The following DPH3 variants were observed in gnomAD, a reference collection of about 807,000 sequenced individuals.
The protein encoded by DPH3 is diphthamide biosynthesis protein 3.
In DPH3, 8 loss-of-function variants were observed where a neutral mutation model predicts 10.2. The observed-to-expected ratio is 0.79, with a 90% CI of 0.46 to 1.42. DPH3 has a LOEUF of 1.42. DPH3 is among the 40% of genes most tolerant of loss of function. The pLI is 0.00. For synonymous variants in DPH3, 35 were observed against 35.6 expected (o/e 0.98, Z 0.06); for missense variants, 96 against 98.9 (o/e 0.97, Z 0.12).
chr3:16,260,858 C>A (rs1420364123), intron 2 of DPH3, 29 bp from the exon 3 acceptor site: 1 of 1,596,752 alleles, frequency 6.3e-7, no homozygotes, highest in Non-Finnish European at 8.6e-7. Flanking sequence ...TGACATTAAC[C>A]AATGAATTTC....
Position 16,260,135 on chromosome 3 carries a change from G to C in DPH3, c.*629C>G, listed in dbSNP as rs1166608561. 1 of 152,044 alleles carries C rather than the reference G, an allele frequency of 6.6e-6. No individual in the cohort carries two copies. The highest frequency in any genetic ancestry group is 2.4e-5 in the African/African-American group (1 of 41,368). 9.4% of individuals were successfully genotyped at this position (152,044 alleles called of 1,614,324 possible). ...TTTCTTTCTTGTTCACTAACTTTTAGCTCTGGAGACATTGTGACCTCACTG... is the reference window on the plus strand; with the variant it reads ...TTTCTTTCTTGTTCACTAACTTTTACCTCTGGAGACATTGTGACCTCACTG... On this transcript the variant is annotated 3_prime_UTR_variant, in exon 3 of 3. Coordinates refer to ENST00000488423, the MANE Select transcript of DPH3 (RefSeq NM_206831.3).
chr3:16,258,554 A>G lies in DPH3; in HGVS notation c.*2210T>C, dbSNP rs1041821120. ...CAGGCTGGAACGCAGTGGTGTGATC[A>G]CAGCTCACCACAGCCTCAAACTCCT... On this transcript the variant is annotated 3_prime_UTR_variant, in exon 3 of 3. Coordinates refer to ENST00000488423, the MANE Select transcript of DPH3 (RefSeq NM_206831.3). 1 of 152,240 alleles carries G rather than the reference A, an allele frequency of 6.6e-6. No individual in the cohort carries two copies. The highest frequency in any genetic ancestry group is 1.5e-5 in the Non-Finnish European group (1 of 68,066). 9.4% of individuals were successfully genotyped at this position (152,240 alleles called of 1,614,324 possible).
rs1414432908 is a variant in DPH3, at chr3:16,262,613, A to G, written c.183+1542T>C. On this transcript the variant is annotated intron_variant, in intron 2 of 2. Transcript: ENST00000488423. The surrounding 1 kb of genome is among the most constrained non-coding windows in gnomAD (Gnocchi z 4.7). Reference sequence around the variant, plus strand: ...AGACCTGGTGGTCTCATCCAATCTCATGGCTCTAAATGCTATCTGTTACTG... The same window carrying G: ...AGACCTGGTGGTCTCATCCAATCTCGTGGCTCTAAATGCTATCTGTTACTG... Among the ~76,000 whole-genome samples the G allele has an allele frequency of 6.6e-6, 1 of 152,088 alleles. No individual in the cohort carries two copies. Among genetic ancestry groups the G allele is most frequent in the African/African-American group, 2.4e-5 (1 of 41,402 alleles).
At position 16,259,390 on chromosome 3, in the gene DPH3, C is replaced by T. The variant is rs894077717; in HGVS notation, c.*1374G>A. ...AAAAAAGGCTACTCACTTGTTTTAA[C>T]GTCCAATGAATGTGTGCAGTACATT... On this transcript the variant is annotated 3_prime_UTR_variant, in exon 3 of 3. Transcript: ENST00000488423. The T allele has an allele frequency of 2.0e-5, 3 of 152,202 alleles. No homozygotes were observed. Among genetic ancestry groups the T allele is most frequent in the African/African-American group, 7.2e-5 (3 of 41,438 alleles). 9.4% of individuals were successfully genotyped at this position (152,202 alleles called of 1,614,324 possible).
chr3:16,264,582 A>G, intron 1 of DPH3, 187 bp downstream of exon 1: 2 of 634,970 alleles, frequency 3.1e-6, no homozygotes, highest in Non-Finnish European at 5.5e-6. Flanking sequence ...TAAGGCCAGA[A>G]CTGCGTGCCT....
rs892440810 is a variant in DPH3, at chr3:16,263,648, C to T, written c.183+507G>A. Among the ~76,000 whole-genome samples the T allele has an allele frequency of 7.6e-6, 1 of 132,066 alleles. No individual in the cohort carries two copies. The highest frequency in any genetic ancestry group is 2.2e-4 in the East Asian group (1 of 4,548). 86.6% of individuals were successfully genotyped at this position (132,066 alleles called of 152,430 possible). A position where few individuals can be genotyped will look rare whatever the true frequency, so the allele number is the denominator to read the frequency against. On this transcript the variant is annotated intron_variant, in intron 2 of 2. Transcript: ENST00000488423. This position sits in a 1 kb window ranked among gnomAD's most constrained non-coding sequence, Gnocchi z 4.0. Reference sequence around the variant, plus strand: ...TTTGGGTAGGAGTGGGCAGTAATAACATTTTTTTTTTCTATTGTCAACATC... The same window carrying T: ...TTTGGGTAGGAGTGGGCAGTAATAATATTTTTTTTTTCTATTGTCAACATC...
Position 16,257,310 on chromosome 3 carries a change from T to C in DPH3, c.*3454A>G, listed in dbSNP as rs145208444. Among the ~76,000 whole-genome samples, 1 of 152,188 alleles carries C rather than the reference T, an allele frequency of 6.6e-6. No homozygotes were observed. The highest frequency in any genetic ancestry group is 6.5e-5 in the Admixed American group (1 of 15,276). ...TTAGAAAAAGTGCCAGAGCTCAGAC[T>C]CCCTTAAAAAGTCACCTGACCCAGT... On this transcript the variant is annotated 3_prime_UTR_variant, in exon 3 of 3. Coordinates refer to ENST00000488423, the MANE Select transcript of DPH3 (RefSeq NM_206831.3).
At position 16,264,185 on chromosome 3, in the gene DPH3, G is replaced by A. The variant is rs1305202534; in HGVS notation, c.153C>T (p.Cys51=). 2 of 1,610,868 alleles carry A rather than the reference G, an allele frequency of 1.2e-6. No homozygotes were observed. Among genetic ancestry groups the A allele is most frequent in the South Asian group, 2.2e-5 (2 of 90,768 alleles). Residue 51 remains cysteine, a synonymous_variant, in exon 2 of 3, where the codon TGC becomes TGT. Coordinates refer to ENST00000488423, the MANE Select transcript of DPH3 (RefSeq NM_206831.3). ...NGEDVATCPS[C]SLIIKVIYDK... ...CATAAATCACTTTTATAATGAGAGA[G>A]CAGCTAGGACACGTTGCCACGTCTT...
In DPH3 at chr3:16,259,728, G is replaced by C. The variant is rs749147420; in HGVS notation, c.*1036C>G. The C allele has an allele frequency of 6.6e-6, 1 of 152,136 alleles. No individual in the cohort carries two copies. The highest frequency in any genetic ancestry group is 1.5e-5 in the Non-Finnish European group (1 of 68,026). 9.4% of individuals were successfully genotyped at this position (152,136 alleles called of 1,614,324 possible). A position where few individuals can be genotyped will look rare whatever the true frequency, so the allele number is the denominator to read the frequency against. On this transcript the variant is annotated 3_prime_UTR_variant, in exon 3 of 3. Transcript: ENST00000488423. ...AGAGGCTTATTAAATATGCTCTCAT[G>C]GGCATATTTATTCACAATAGGTCTC...
rs148686108 is a variant in DPH3 at position 16,257,377 on chromosome 3, T to C, written c.*3387A>G. On this transcript the variant is annotated 3_prime_UTR_variant, in exon 3 of 3. Transcript: ENST00000488423. ...ACCTGGTTTGTTTCCTTGGGGGCTC[T>C]AACTCATCTGTAATCTTGCTTCTGT... 1.5e-3 allele frequency among the ~76,000 whole-genome samples: 234 copies of C among 152,376 alleles called. 1 individual carries two copies. The highest frequency in any genetic ancestry group is 5.2e-3 in the African/African-American group (216 of 41,590).
In DPH3 at chr3:16,263,824, G is replaced by C. The variant is rs1048041940; in HGVS notation, c.183+331C>G. On this transcript the variant is annotated intron_variant, in intron 2 of 2. Transcript: ENST00000488423. This position sits in a 1 kb window ranked among gnomAD's most constrained non-coding sequence, Gnocchi z 4.0. ...TGTTCCCTTCAAAGTAAGTCTAGCA[G>C]CTCTAAACAATTTTAATTACATATT... Among the ~76,000 whole-genome samples, 1 of 152,094 alleles carries C rather than the reference G, an allele frequency of 6.6e-6. No homozygotes were observed. The highest frequency in any genetic ancestry group is 1.5e-5 in the Non-Finnish European group (1 of 68,034).
Position 16,261,823 on chromosome 3 carries a change from C to T in DPH3, c.184-994G>A, listed in dbSNP as rs1180454137. Among the ~76,000 whole-genome samples the T allele has an allele frequency of 6.6e-6, 1 of 152,132 alleles. No homozygotes were observed. The highest frequency in any genetic ancestry group is 1.5e-5 in the Non-Finnish European group (1 of 68,016). ...CTAGTTCCTCCTTTTTGCCTCCATTCTCCTTTCCTGTCTAAAACCCATCAG... is the reference window on the plus strand; with the variant it reads ...CTAGTTCCTCCTTTTTGCCTCCATTTTCCTTTCCTGTCTAAAACCCATCAG... On this transcript the variant is annotated intron_variant, in intron 2 of 2. Transcript: ENST00000488423. This position sits in a 1 kb window ranked among gnomAD's most constrained non-coding sequence, Gnocchi z 7.1.
rs767272474 is a variant in DPH3, at chr3:16,260,730, C to T, written c.*34G>A. ...TCGATATTTCTATCTGGGCTCATTCCAAATGTTCAGGATTTGGATTCCTGA... is the reference window on the plus strand; with the variant it reads ...TCGATATTTCTATCTGGGCTCATTCTAAATGTTCAGGATTTGGATTCCTGA... On this transcript the variant is annotated 3_prime_UTR_variant, in exon 3 of 3. Transcript: ENST00000488423. 2.5e-6 allele frequency: 4 copies of T among 1,592,816 alleles called. No individual in the cohort carries two copies. The highest frequency in any genetic ancestry group is 1.7e-4 in the Middle Eastern group (1 of 6,030).
rs2064282334 is a variant in DPH3 at position 16,260,022 on chromosome 3, G to A, written c.*742C>T. ...TCTGTCACCAATTTCACTTCTTTTG[G>A]ATGTTTTTCTTTTCATCTTGTCCTG... On this transcript the variant is annotated 3_prime_UTR_variant, in exon 3 of 3. Coordinates refer to ENST00000488423, the MANE Select transcript of DPH3 (RefSeq NM_206831.3). 1 of 152,170 alleles carries A rather than the reference G, an allele frequency of 6.6e-6. No individual in the cohort carries two copies. Among genetic ancestry groups the A allele is most frequent in the Non-Finnish European group, 1.5e-5 (1 of 68,034 alleles). 9.4% of individuals were successfully genotyped at this position (152,170 alleles called of 1,614,324 possible). A position where few individuals can be genotyped will look rare whatever the true frequency, so the allele number is the denominator to read the frequency against.
rs1035983339 is a variant in DPH3, at chr3:16,262,274, A to G, written c.184-1445T>C. 6.6e-6 allele frequency among the ~76,000 whole-genome samples: 1 copy of G among 152,160 alleles called. No homozygotes were observed. The highest frequency in any genetic ancestry group is 1.5e-5 in the Non-Finnish European group (1 of 68,012). On this transcript the variant is annotated intron_variant, in intron 2 of 2. Coordinates refer to ENST00000488423, the MANE Select transcript of DPH3 (RefSeq NM_206831.3). This position sits in a 1 kb window ranked among gnomAD's most constrained non-coding sequence, Gnocchi z 4.7. ...ATTCTCTCCAACCAGTATTCTGCCC[A>G]TTGGTTTCTTCACTCATGCGCTGTT...
rs2064266035 is a variant in DPH3 at position 16,258,139 on chromosome 3, T to C, written c.*2625A>G. 6.6e-6 allele frequency: 1 copy of C among 152,260 alleles called. No individual in the cohort carries two copies. Among genetic ancestry groups the C allele is most frequent in the Non-Finnish European group, 1.5e-5 (1 of 68,044 alleles). The allele number at this position is 152,260 out of a possible 1,614,324, so 9.4% of individuals were successfully genotyped here. A position where few individuals can be genotyped will look rare whatever the true frequency, so the allele number is the denominator to read the frequency against. ...AGAATCCTTTAAACAGTCGACTTCA[T>C]ATTTTAAACTTGTAAGTGTGGTAAC... On this transcript the variant is annotated 3_prime_UTR_variant, in exon 3 of 3. Transcript: ENST00000488423.
chr3:16,260,667 C>G lies in DPH3; in HGVS notation c.*97G>C. On this transcript the variant is annotated 3_prime_UTR_variant, in exon 3 of 3. Coordinates refer to ENST00000488423, the MANE Select transcript of DPH3 (RefSeq NM_206831.3). ...TCCACACTCTTACAGAACAGCAAATCATAAATGGTTGTCTCTGTGAAGCCA... is the reference window on the plus strand; with the variant it reads ...TCCACACTCTTACAGAACAGCAAATGATAAATGGTTGTCTCTGTGAAGCCA... The G allele has an allele frequency of 1.8e-6, 2 of 1,092,336 alleles. No individual in the cohort carries two copies. The highest frequency in any genetic ancestry group is 4.2e-5 in the Admixed American group (2 of 47,956). The allele number at this position is 1,092,336 out of a possible 1,614,324, so 67.7% of individuals were successfully genotyped here. A position where few individuals can be genotyped will look rare whatever the true frequency, so the allele number is the denominator to read the frequency against.
rs1575012739 is a variant in DPH3, at chr3:16,258,524, T to A, written c.*2240A>T. 6.6e-6 allele frequency: 1 copy of A among 152,294 alleles called. No individual in the cohort carries two copies. The highest frequency in any genetic ancestry group is 2.4e-5 in the African/African-American group (1 of 41,468). The allele number at this position is 152,294 out of a possible 1,614,324, so 9.4% of individuals were successfully genotyped here. A position where few individuals can be genotyped will look rare whatever the true frequency, so the allele number is the denominator to read the frequency against. On this transcript the variant is annotated 3_prime_UTR_variant, in exon 3 of 3. Transcript: ENST00000488423. ...TTTTTAGGCATGAGGTCTTGCCCTG[T>A]CACACAGGCTGGAACGCAGTGGTGT...
chr3:16,260,877 A>C, intron 2 of DPH3, 48 bp from the exon 3 acceptor site: 1 of 1,518,130 alleles, frequency 6.6e-7, no homozygotes, highest in Non-Finnish European at 9.1e-7. Context: ...TCCGGTCACA[A>C]ATACATTAAT....
Sources: allele counts gnomAD v4.1 joint callset (sites outside exome capture counted in the v4.1 genomes callset), GRCh38; gene constraint gnomAD v4.1.1; non-coding constraint Gnocchi (gnomAD v3.1); transcripts MANE v1.5; gene names NCBI Gene and HGNC (gene_info 2026-07-23, HGNC 2026-07-21).